REEP3: variants seen among roughly 807,000 people sequenced by gnomAD.
REEP3 encodes receptor accessory protein 3, also known as receptor expression-enhancing protein 3.
A neutral mutation model predicts 41.3 loss-of-function variants in REEP3; 20 were observed. That is an observed-to-expected ratio of 0.48 (90% CI 0.34 to 0.70). The LOEUF (loss-of-function observed/expected upper bound fraction) is 0.70. Among genes scored for constraint, REEP3 ranks in the 30% least tolerant of loss-of-function variants. The pLI is 0.01. For missense variants in REEP3, 271 were observed against 308.8 expected, an observed-to-expected ratio of 0.88 and a Z score of 0.92; for synonymous variants, 104 against 101.8, an observed-to-expected ratio of 1.02 and a Z score of -0.13.
intron 1 of REEP3, among the ~76,000 whole-genome samples, chr10:63,553,868 C>A (rs761164256): frequency 3.2e-4 from 49 of 152,142 alleles, no homozygotes; most frequent in African/African-American, 1.0e-3. Context: ...TTTGGGAGGC[C>A]GAGGCGGTTG....
At chr10:63,602,528 G>A (rs746967494) in intron 5 of REEP3, among the ~76,000 whole-genome samples, 28 of 152,094 alleles carry the variant, frequency 1.8e-4, no homozygotes, top group Non-Finnish European at 2.9e-4. Context: ...ATTTCAAGTT[G>A]AAAAATTATT....
At chr10:63,584,430 TA>T (rs71463528) in intron 2 of REEP3, among the ~76,000 whole-genome samples, 83 of 129,216 alleles carry the variant, frequency 6.4e-4, no homozygotes, top group African/African-American at 2.1e-3. Context: ...CCCATCTTTT[TA>T]AAAAAAAAAA....
At chr10:63,525,483 A>G (rs966629742) in intron 1 of REEP3, among the ~76,000 whole-genome samples, 1 of 152,084 alleles carries the variant, frequency 6.6e-6, no homozygotes, top group African/African-American at 2.4e-5. Flanking sequence ...CAGTGGCACA[A>G]TCTTGGCTTA....
intron 2 of REEP3, among the ~76,000 whole-genome samples, chr10:63,587,527 C>T (rs1394490341): frequency 6.6e-6 from 1 of 152,174 alleles, no homozygotes; most frequent in Non-Finnish European, 1.5e-5. Context: ...TAGTATGTAA[C>T]AATAATGCAA....
chr10:63,605,233 A>G (rs999346785), intron 5 of REEP3, among the ~76,000 whole-genome samples: 1 of 152,208 alleles, frequency 6.6e-6, no homozygotes, highest in Non-Finnish European at 1.5e-5. Context: ...ATTTTTCTCC[A>G]TGTTATCAAT....
intron 5 of REEP3, among the ~76,000 whole-genome samples, chr10:63,601,370 G>C (rs533777167): frequency 1.3e-5 from 2 of 152,166 alleles, no homozygotes; most frequent in East Asian, 3.9e-4. Flanking sequence ...TTACCTACTG[G>C]TTATCTTTTG....
chr10:63,529,779 C>T (rs1416131116), intron 1 of REEP3, among the ~76,000 whole-genome samples: 1 of 142,160 alleles, frequency 7.0e-6, no homozygotes, highest in Non-Finnish European at 1.5e-5. Context: ...GAATGTGATT[C>T]TTTTTTTTTT....
In REEP3 at chr10:63,610,337, G is replaced by A; in HGVS notation, c.565+3G>A. The A allele has an allele frequency of 6.4e-7, 1 of 1,552,156 alleles. No individual in the cohort carries two copies. The highest frequency in any genetic ancestry group is 8.7e-7 in the Non-Finnish European group (1 of 1,147,162). ...ACCAGCCCCCAGTGAATCAGCAGGT[G>A]TGCTTGTGTGTTTTAATATACGGTT... On this transcript the variant is annotated splice_donor_region_variant and intron_variant, in intron 6 of 7. Coordinates refer to ENST00000373758, the MANE Select transcript of REEP3 (RefSeq NM_001001330.3).
At chr10:63,591,068 T>C (rs1333290267) in intron 2 of REEP3, among the ~76,000 whole-genome samples, 2 of 152,010 alleles carry the variant, frequency 1.3e-5, no homozygotes, top group Non-Finnish European at 2.9e-5. Flanking sequence ...TGTTTTTTGT[T>C]GATCTAAAGA....
intron 5 of REEP3, among the ~76,000 whole-genome samples, chr10:63,608,916 T>G (rs148644583): frequency 4.5e-4 from 69 of 152,200 alleles, no homozygotes; most frequent in Non-Finnish European, 7.8e-4. Flanking sequence ...TTATTTAACT[T>G]TACTTAATTT....
Position 63,624,873 on chromosome 10 carries a change from A to T in REEP3, c.*4004A>T, listed in dbSNP as rs543884752. 12 of 152,224 alleles carry T rather than the reference A, an allele frequency of 7.9e-5. No homozygotes were observed. The East Asian group carries it at 2.3e-3, about 29-fold the overall frequency. 9.4% of individuals were successfully genotyped at this position (152,224 alleles called of 1,614,324 possible). The stretch of plus-strand genomic sequence containing the variant: ...GCATAAAATGTAACACAAAATTCAG[A>T]TTTATGTATCCTGGAAATGTTCTGG... On this transcript the variant is annotated 3_prime_UTR_variant, in exon 8 of 8. Coordinates refer to ENST00000373758, the MANE Select transcript of REEP3 (RefSeq NM_001001330.3).
chr10:63,581,183 A>C (rs2133388889), intron 2 of REEP3, among the ~76,000 whole-genome samples: 1 of 152,294 alleles, frequency 6.6e-6, no homozygotes, highest in East Asian at 1.9e-4. Context: ...AATTTTAAAA[A>C]TATAGTGCTT....
At chr10:63,533,710 C>CTTTTTTTTGTTTTTTTTTTTT (rs1955446999) in intron 1 of REEP3, among the ~76,000 whole-genome samples, 2 of 101,070 alleles carry the variant, frequency 2.0e-5, no homozygotes, top group African/African-American at 3.3e-5. Flanking sequence ...GTATGTAAAT[C>CTTTTTTTTGTTTTTTTTTTTT]TTTTTTTTTT....
chr10:63,532,867 T>C (rs1321735477), intron 1 of REEP3, among the ~76,000 whole-genome samples: 3 of 152,130 alleles, frequency 2.0e-5, no homozygotes. Flanking sequence ...ATCGTGCCAC[T>C]GTACTCCAGC....
rs369496387 is a variant in REEP3 at position 63,575,143 on chromosome 10, C to T, written c.105+8733C>T. Among the ~76,000 whole-genome samples the T allele has an allele frequency of 9.9e-5, 15 of 152,152 alleles. No homozygotes were observed. In the South Asian group the frequency reaches 1.5e-3, roughly 15 times the overall value. On this transcript the variant is annotated intron_variant, in intron 2 of 7. Transcript: ENST00000373758. ...TGCTGAGATAACAGGCATTAGCCAC[C>T]GCACCCAGACCCCAAGAGGTCAGTT...
chr10:63,536,874 G>A (rs989966951), intron 1 of REEP3, among the ~76,000 whole-genome samples: 5 of 152,230 alleles, frequency 3.3e-5, no homozygotes, highest in Non-Finnish European at 7.3e-5. Context: ...GCAAAGATGT[G>A]TACAGCAACA....
intron 6 of REEP3, among the ~76,000 whole-genome samples, chr10:63,615,406 T>G (rs1589890299): frequency 1.3e-5 from 2 of 152,218 alleles, no homozygotes; most frequent in South Asian, 4.1e-4. Flanking sequence ...TGCCCACCTC[T>G]GCTTCCCAAA....
chr10:63,602,078 C>G lies in REEP3; in HGVS notation c.417+2795C>G, dbSNP rs150088932. Among the ~76,000 whole-genome samples, 6 of 148,422 alleles carry G rather than the reference C, an allele frequency of 4.0e-5. No homozygotes were observed. The East Asian group carries it at 1.2e-3, about 29-fold the overall frequency. On this transcript the variant is annotated intron_variant, in intron 5 of 7. Coordinates refer to ENST00000373758, the MANE Select transcript of REEP3 (RefSeq NM_001001330.3). ...GCACCATGAAAAAATACATTGGCGG[C>G]AATGTAAAGAGGAAGAGGGTAAGAC...
At chr10:63,534,891 G>A (rs1955459745) in intron 1 of REEP3, among the ~76,000 whole-genome samples, 1 of 152,182 alleles carries the variant, frequency 6.6e-6, no homozygotes, top group Non-Finnish European at 1.5e-5. Context: ...GATGAGGGCA[G>A]GAACTGTATG....
Sources: allele counts gnomAD v4.1 joint callset (sites outside exome capture counted in the v4.1 genomes callset), GRCh38; gene constraint gnomAD v4.1.1; transcripts MANE v1.5; gene names NCBI Gene and HGNC (gene_info 2026-07-23, HGNC 2026-07-21).